The following TSC2 variants were observed in gnomAD, a reference collection of about 807,000 sequenced individuals.
TSC2 encodes the protein TSC complex subunit 2.
TSC2 carries 29 observed loss-of-function variants against 202.2 expected under a neutral mutation model. The observed-to-expected ratio is 0.14, with a 90% CI of 0.11 to 0.20. The LOEUF is 0.20. Ranked by LOEUF, TSC2 falls within the 10% of genes least tolerant of loss-of-function variation. The pLI is 1.00. For synonymous variants in TSC2, 1,349 were observed against 1,044.0 expected, an observed-to-expected ratio of 1.29 and a Z score of -5.63; for missense variants, 2,429 against 2,420.0, an observed-to-expected ratio of 1.00 and a Z score of -0.08.
Position 2,070,467 on chromosome 16 carries a change from C to T in TSC2, c.1728C>T (p.Tyr576=), listed in dbSNP as rs966102111. The T allele has an allele frequency of 1.2e-6, 2 of 1,613,396 alleles. No individual in the cohort carries two copies. Among genetic ancestry groups the T allele is most frequent in the Non-Finnish European group, 1.7e-6 (2 of 1,180,028 alleles). ...GLLVILQTKL[Y]TLPASHATRV... The stretch of plus-strand genomic sequence containing the variant: ...TCCTCTCTCTGCAGACCAAGCTGTA[C>T]ACCCTGCCTGCAAGCCACGCCACGC... The change falls in exon 17 of 42, where the codon TAC becomes TAT. Residue 576 remains tyrosine, a synonymous_variant. Coordinates refer to ENST00000219476, the MANE Select transcript of TSC2 (RefSeq NM_000548.5).
At chr16:2,067,416 C>T (rs1302165765) in intron 16 of TSC2, among the ~76,000 whole-genome samples, 1 of 151,592 alleles carries the variant, frequency 6.6e-6, no homozygotes, top group Non-Finnish European at 1.5e-5. Flanking sequence ...CCCACCATAG[C>T]CTCCCAAAGT....
chr16:2,086,042 TC>T, intron 36 of TSC2, 150 bp from the exon 37 acceptor site: 1 of 895,366 alleles, frequency 1.1e-6, no homozygotes, highest in Non-Finnish European at 1.7e-6. Flanking sequence ...ACACCCGATG[TC>T]TGGCCTGGGT....
Position 2,055,385 on chromosome 16 carries a change from C to A in TSC2, c.482-17C>A. 6.2e-7 allele frequency: 1 copy of A among 1,609,168 alleles called. No individual in the cohort carries two copies. Among genetic ancestry groups the A allele is most frequent in the Non-Finnish European group, 8.5e-7 (1 of 1,175,784 alleles). ...TAGATTCGGCGTCCTCGCAAACTGC[C>A]GCCGCTTCTCCCCCAGCTGACTTTG... On this transcript the variant is annotated splice_polypyrimidine_tract_variant and intron_variant, in intron 5 of 41. Coordinates refer to ENST00000219476, the MANE Select transcript of TSC2 (RefSeq NM_000548.5).
chr16:2,054,636 C>T, intron 5 of TSC2, 196 bp downstream of exon 5: 1 of 743,480 alleles, frequency 1.3e-6, no homozygotes, highest in Non-Finnish European at 2.3e-6. Context: ...ATGCAGAGTC[C>T]TGGCCTTCAC....
chr16:2,048,107 G>A (rs2084576395), intron 1 of TSC2, 42 bp downstream of exon 1: 1 of 1,467,854 alleles, frequency 6.8e-7, no homozygotes, highest in Non-Finnish European at 9.0e-7. Context: ...GTCCCCACGG[G>A]GCAGCGGCCT....
chr16:2,078,866 G>C (rs1437391447), intron 26 of TSC2, 166 bp from the exon 27 acceptor site: 2 of 823,966 alleles, frequency 2.4e-6, no homozygotes, highest in Non-Finnish European at 4.0e-6. Context: ...GGACAATGTG[G>C]TCCACGTGAT....
intron 5 of TSC2, 77 bp downstream of exon 5, chr16:2,054,517 G>A (rs2085527094): frequency 6.2e-7 from 1 of 1,602,512 alleles, no homozygotes. Flanking sequence ...ACCTGGGGCT[G>A]GGGAGGGGCT....
At chr16:2,056,064 G>T (rs1291756175) in intron 6 of TSC2, 132 bp from the exon 7 acceptor site, 70 of 1,154,388 alleles carry the variant, frequency 6.1e-5, no homozygotes, top group Non-Finnish European at 8.4e-5. Context: ...CTGAGTGCTT[G>T]TTGGGTGGGT....
intron 20 of TSC2, 70 bp from the exon 21 acceptor site, chr16:2,072,779 C>A: frequency 6.2e-7 from 1 of 1,610,184 alleles, no homozygotes; most frequent in African/African-American, 1.3e-5. Context: ...CCCAGGGCCT[C>A]CCCAGCCCCT....
rs1246308547 is a variant in TSC2, at chr16:2,071,493, C to A, written c.1840-17C>A. 1 of 1,613,252 alleles carries A rather than the reference C, an allele frequency of 6.2e-7. No homozygotes were observed. ...GCACGAGCTTGGCTCTGGCTTTCAC[C>A]ATCCTCTTCCTGACAGGCCTTTGAC... On this transcript the variant is annotated splice_polypyrimidine_tract_variant and intron_variant, in intron 17 of 41. Transcript: ENST00000219476.
chr16:2,048,558 A>T (rs762342559), intron 1 of TSC2, 29 bp from the exon 2 acceptor site: 4 of 1,613,024 alleles, frequency 2.5e-6, no homozygotes, highest in East Asian at 4.5e-5. Flanking sequence ...TGTTGCTCAG[A>T]TGTCCCCATT....
At chr16:2,069,368 G>A (rs2087867452) in intron 16 of TSC2, among the ~76,000 whole-genome samples, 1 of 152,206 alleles carries the variant, frequency 6.6e-6, no homozygotes, top group African/African-American at 2.4e-5. Context: ...CCCAGCTGGA[G>A]TGCAGTGGCG....
rs45490792 is a variant in TSC2 at position 2,071,616 on chromosome 16, T to C, written c.1946T>C (p.Met649Thr). The change falls in exon 18 of 42, where the codon ATG becomes ACG. Residue 649 changes from methionine (M) to threonine (T), a missense_variant and splice_region_variant. Coordinates refer to ENST00000219476, the MANE Select transcript of TSC2 (RefSeq NM_000548.5). ...AGCCCCTACTGCGTCTGCGACTACATGTACGCGGGACCTCGCCCACGGCCC... is the reference window on the plus strand; with the variant it reads ...AGCCCCTACTGCGTCTGCGACTACACGTACGCGGGACCTCGCCCACGGCCC... ...RFSPYCVCDY[M>T]EPERGSEKKT... 2.9e-4 allele frequency: 462 copies of C among 1,613,314 alleles called. 1 individual carries two copies. In the African/African-American group the frequency reaches 4.1e-3, roughly 14 times the overall value.
chr16:2,073,042 C>T, intron 21 of TSC2, 59 bp downstream of exon 21: 1 of 1,610,602 alleles, frequency 6.2e-7, no homozygotes, highest in Non-Finnish European at 8.5e-7. Flanking sequence ...AGGGCCTGGC[C>T]CAGGTAGGCC....
chr16:2,077,537 G>C, intron 25 of TSC2, 61 bp from the exon 26 acceptor site: 1 of 1,608,778 alleles, frequency 6.2e-7, no homozygotes, highest in South Asian at 1.1e-5. Context: ...CCACTGGCTT[G>C]TTCTCCCCTT....
chr16:2,057,781 G>C (rs1236286862), intron 9 of TSC2, among the ~76,000 whole-genome samples: 1 of 149,682 alleles, frequency 6.7e-6, no homozygotes, highest in Non-Finnish European at 1.5e-5. Context: ...CCTCAGCCCT[G>C]CATCTCTCCC....
At chr16:2,056,339 G>T in intron 7 of TSC2, 95 bp downstream of exon 7, 2 of 1,541,208 alleles carry the variant, frequency 1.3e-6, no homozygotes, top group Non-Finnish European at 1.8e-6. Context: ...CCTGCTGGCT[G>T]TGTAGCCCTG....
chr16:2,075,689 T>G (rs1016693730), intron 22 of TSC2, 110 bp from the exon 23 acceptor site: 126 of 1,207,262 alleles, frequency 1.0e-4, no homozygotes, highest in Non-Finnish European at 1.4e-4. Flanking sequence ...GGCCGTGGCC[T>G]TCTCTCCTCT....
In TSC2 at chr16:2,086,714, G is replaced by A. The variant is rs902020009; in HGVS notation, c.4850-18G>A. 5.0e-6 allele frequency: 8 copies of A among 1,608,300 alleles called. No individual in the cohort carries two copies. The East Asian group carries it at 6.7e-5, about 13-fold the overall frequency. On this transcript the variant is annotated intron_variant, in intron 37 of 41. Coordinates refer to ENST00000219476, the MANE Select transcript of TSC2 (RefSeq NM_000548.5). Reference sequence around the variant, plus strand: ...CAGCACTGGCCCCACAAACCCATCCGGCCCTGCTCACCCTCAGCCGTCTTC... The same window carrying A: ...CAGCACTGGCCCCACAAACCCATCCAGCCCTGCTCACCCTCAGCCGTCTTC...
Sources: allele counts gnomAD v4.1 joint callset (sites outside exome capture counted in the v4.1 genomes callset), GRCh38; gene constraint gnomAD v4.1.1; transcripts MANE v1.5; gene names NCBI Gene and HGNC (gene_info 2026-07-23, HGNC 2026-07-21).